Variants in DCN observed in about 807,000 individuals in gnomAD.
The protein encoded by DCN is bone proteoglycan II.
DCN carries 17 observed loss-of-function variants against 36.5 expected under a neutral mutation model. The ratio of observed to expected loss-of-function variants is 0.47; its 90% CI spans 0.32 to 0.70. The LOEUF (loss-of-function observed/expected upper bound fraction) is 0.70, where lower values mean the gene tolerates loss of function less well. DCN is among the 30% of genes least tolerant of loss of function. DCN has a pLI of 0.04. For missense variants in DCN, 389 were observed against 430.1 expected, an observed-to-expected ratio of 0.90 and a Z score of 0.84; for synonymous variants, 163 against 161.4, an observed-to-expected ratio of 1.01 and a Z score of -0.07.
chr12:91,151,528 A>G, intron 7 of DCN, 126 bp downstream of exon 7: 1 of 993,976 alleles, frequency 1.0e-6, no homozygotes, highest in Non-Finnish European at 1.6e-6. Context: ...TTGTCATAGA[A>G]ATTCTAACTA....
At chr12:91,164,267 G>A (rs1367712229) in intron 3 of DCN, among the ~76,000 whole-genome samples, 1 of 151,506 alleles carries the variant, frequency 6.6e-6, no homozygotes, top group Non-Finnish European at 1.5e-5. Flanking sequence ...CCTAATGCTA[G>A]ATGACACGTT....
chr12:91,143,431 C>T lies in DCN; in HGVS notation c.*2627G>A, dbSNP rs996296916. ...TCTCCAAGTGTGGACCAAGAAGCAG[C>T]AGCATTCCTGGAAGTTTGTTTGAAA... On this transcript the variant is annotated 3_prime_UTR_variant, in exon 8 of 8. Coordinates refer to ENST00000052754, the MANE Select transcript of DCN (RefSeq NM_001920.5). 4 of 152,172 alleles carry T rather than the reference C, an allele frequency of 2.6e-5. No homozygotes were observed. The highest frequency in any genetic ancestry group is 5.9e-5 in the Non-Finnish European group (4 of 68,030). 9.4% of individuals were successfully genotyped at this position (152,172 alleles called of 1,614,324 possible).
rs544635340 is a variant in DCN, at chr12:91,146,490, G to A, written c.886-238C>T. ...TCCTGCCTCAGCCTACTGAGTAGCC[G>A]GGACTACAGGCACACACACCATGCC... On this transcript the variant is annotated intron_variant, in intron 7 of 7. Transcript: ENST00000052754. Among the ~76,000 whole-genome samples the A allele has an allele frequency of 4.2e-4, 64 of 151,312 alleles. 1 individual carries two copies. Among genetic ancestry groups the A allele is most frequent in the African/African-American group, 1.5e-3 (60 of 41,226 alleles).
rs770075410 is a variant in DCN, at chr12:91,158,355, T to C, written c.479A>G (p.Asn160Ser). ...KTLQELRAHE[N>S]EITKVRKVTF... is the part of the protein sequence containing the mutation. ...AACTTTTCGCACTTTGGTGATCTCA[T>C]TCTCATGGGCACGCAGCTCCTGAAG... Residue 160 changes from asparagine (N) to serine (S), a missense_variant, in exon 4 of 8, where the codon AAT becomes AGT. Asn to Ser is a conservative substitution (Grantham distance 46, BLOSUM62 1). Transcript: ENST00000052754. 6.2e-7 allele frequency: 1 copy of C among 1,613,954 alleles called. No homozygotes were observed. Among genetic ancestry groups the C allele is most frequent in the Admixed American group, 1.7e-5 (1 of 60,030 alleles).
intron 6 of DCN, among the ~76,000 whole-genome samples, chr12:91,152,146 A>G (rs1592681693): frequency 6.6e-6 from 1 of 152,250 alleles, no homozygotes; most frequent in African/African-American, 2.4e-5. Flanking sequence ...TCAAACATTT[A>G]TTTGTATATT....
At position 91,165,131 on chromosome 12, in the gene DCN, C is replaced by A. The variant is rs3138219; in HGVS notation, c.212-414G>T. 9.0e-3 allele frequency among the ~76,000 whole-genome samples: 1,375 copies of A among 152,222 alleles called. 24 individuals carry two copies. The highest frequency in any genetic ancestry group is 0.032 in the African/African-American group (1,316 of 41,534). ...ATACCGTGTCAATAATTACTCTAGC[C>A]AAATCATCAGTAATAAAGATCTTTT... is the stretch of plus-strand genomic sequence containing the variant. On this transcript the variant is annotated intron_variant, in intron 2 of 7. Coordinates refer to ENST00000052754, the MANE Select transcript of DCN (RefSeq NM_001920.5).
At chr12:91,168,072 C>T (rs1474651904) in intron 2 of DCN, among the ~76,000 whole-genome samples, 1 of 152,100 alleles carries the variant, frequency 6.6e-6, no homozygotes, top group Non-Finnish European at 1.5e-5. Flanking sequence ...ACCTCATGAT[C>T]CACCAGCCTC....
intron 7 of DCN, among the ~76,000 whole-genome samples, chr12:91,149,509 A>G (rs976354663): frequency 2.6e-5 from 4 of 152,182 alleles, no homozygotes; most frequent in African/African-American, 9.7e-5. Context: ...TGGTAAAATG[A>G]ATGCTCCCTC....
rs779618769 is a variant in DCN, at chr12:91,158,337, C to T, written c.497G>A (p.Arg166Gln). 10 of 1,613,588 alleles carry T rather than the reference C, an allele frequency of 6.2e-6. No homozygotes were observed. Among genetic ancestry groups the T allele is most frequent in the East Asian group, 4.5e-5 (2 of 44,876 alleles). ...RAHENEITKV[R>Q]KVTFNGLNQM... ...GTTCAGTCCATTGAAAGTAACTTTTCGCACTTTGGTGATCTCATTCTCATG... is the reference window on the plus strand; with the variant it reads ...GTTCAGTCCATTGAAAGTAACTTTTTGCACTTTGGTGATCTCATTCTCATG... Residue 166 changes from arginine (R) to glutamine (Q), a missense_variant, in exon 4 of 8, where the codon CGA (arginine) becomes CAA (glutamine). Physicochemically the swap from Arg to Gln is conservative, Grantham distance 43. Transcript: ENST00000052754.
At chr12:91,151,184 C>G (rs1421798151) in intron 7 of DCN, 1 of 207,202 alleles carries the variant, frequency 4.8e-6, no homozygotes, top group African/African-American at 2.4e-5. Context: ...GCACATTCTG[C>G]AAACGTATCT....
At chr12:91,152,110 T>C (rs1881469767) in intron 6 of DCN, among the ~76,000 whole-genome samples, 1 of 152,124 alleles carries the variant, frequency 6.6e-6, no homozygotes, top group South Asian at 2.1e-4. Context: ...TTCCTAATAG[T>C]TTATTTTTAA....
chr12:91,178,149 G>GGA (rs147689159), intron 2 of DCN, among the ~76,000 whole-genome samples, 193 bp downstream of exon 2: 1 of 151,332 alleles, frequency 6.6e-6, no homozygotes, highest in South Asian at 2.1e-4. Flanking sequence ...GGACAGAGAG[G>GGA]GAGAGAGAGA....
intron 3 of DCN, among the ~76,000 whole-genome samples, chr12:91,160,602 C>CTT (rs1462684659): frequency 6.6e-6 from 1 of 151,918 alleles, no homozygotes; most frequent in Non-Finnish European, 1.5e-5. Context: ...TTTCTGTGCC[C>CTT]ATTTAAAGGA....
rs939010865 is a variant in DCN, at chr12:91,143,825, TA to T, written c.*2232del. 4 of 148,030 alleles carry T rather than the reference TA, an allele frequency of 2.7e-5. No individual in the cohort carries two copies. The highest frequency in any genetic ancestry group is 2.0e-4 in the East Asian group (1 of 5,118). 9.2% of individuals were successfully genotyped at this position (148,030 alleles called of 1,614,324 possible). ...GTATATATGCAAAAAGATATATATA[TA>T]AATATATATATATAAAGATATATAT... On this transcript the variant is annotated 3_prime_UTR_variant, in exon 8 of 8. Transcript: ENST00000052754.
intron 5 of DCN, among the ~76,000 whole-genome samples, chr12:91,156,633 T>C (rs532564542): frequency 6.6e-6 from 1 of 151,614 alleles, no homozygotes; most frequent in East Asian, 1.9e-4. Context: ...AAAAAAAAAT[T>C]CCCTAAGCTA....
chr12:91,159,446 T>G (rs904511396), intron 3 of DCN, among the ~76,000 whole-genome samples: 1 of 152,136 alleles, frequency 6.6e-6, no homozygotes, highest in Non-Finnish European at 1.5e-5. Context: ...TACCATTTAT[T>G]GTATTTTTTG....
In DCN at chr12:91,148,868, A is replaced by C. The variant is rs530090807; in HGVS notation, c.886-2616T>G. Reference sequence around the variant, plus strand: ...TGTCATATAAAAACAGAAACAAGGAATATTAAAGTGAAAGCAACACTTATA... The same window carrying C: ...TGTCATATAAAAACAGAAACAAGGACTATTAAAGTGAAAGCAACACTTATA... On this transcript the variant is annotated intron_variant, in intron 7 of 7. Transcript: ENST00000052754. Among the ~76,000 whole-genome samples the C allele has an allele frequency of 1.1e-4, 17 of 152,298 alleles. No homozygotes were observed. The East Asian group carries it at 3.1e-3, about 28-fold the overall frequency.
At chr12:91,174,001 A>T (rs1883139662) in intron 2 of DCN, among the ~76,000 whole-genome samples, 1 of 152,240 alleles carries the variant, frequency 6.6e-6, no homozygotes, top group Non-Finnish European at 1.5e-5. Context: ...AAGGTACATT[A>T]TTAGAAACCA....
chr12:91,156,158 TG>T lies in DCN; in HGVS notation c.652+916del, dbSNP rs370474497. ...TTTGTAATTCACAAAGACTGGCTTT[TG>T]TGCCTCTCCTGGGAATCCCTTGGAA... On this transcript the variant is annotated intron_variant, in intron 5 of 7. Coordinates refer to ENST00000052754, the MANE Select transcript of DCN (RefSeq NM_001920.5). Among the ~76,000 whole-genome samples the T allele has an allele frequency of 2.5e-3, 387 of 152,298 alleles. 2 individuals are homozygous for T. Among genetic ancestry groups the T allele is most frequent in the African/African-American group, 9.1e-3 (377 of 41,564 alleles).
Sources: allele counts gnomAD v4.1 joint callset (sites outside exome capture counted in the v4.1 genomes callset), GRCh38; gene constraint gnomAD v4.1.1; transcripts MANE v1.5; gene names NCBI Gene and HGNC (gene_info 2026-07-23, HGNC 2026-07-21).